COL5A2: variants seen among roughly 807,000 people sequenced by gnomAD.
COL5A2 encodes collagen type V alpha 2 chain.
Under a neutral mutation model 208.2 loss-of-function variants are expected in COL5A2, and 23 were observed. The observed-to-expected ratio is 0.11, with a 90% CI of 0.08 to 0.16. The LOEUF is 0.16. COL5A2 is among the 10% of genes least tolerant of loss of function. COL5A2 has a pLI of 1.00. For synonymous variants in COL5A2, 625 were observed against 628.5 expected (o/e 0.99, Z 0.08); for missense variants, 1,590 against 1,956.4 (o/e 0.81, Z 3.53).
chr2:189,053,488 A>T lies in COL5A2; in HGVS notation c.2500-11T>A. 1 of 1,612,088 alleles carries T rather than the reference A, an allele frequency of 6.2e-7. No homozygotes were observed. The highest frequency in any genetic ancestry group is 1.3e-5 in the African/African-American group (1 of 74,990). ...TTCACCTCGAGAACCCTAGGAGGAG[A>T]CAAAGATTACTGTAGCTTTCACACA... On this transcript the variant is annotated splice_polypyrimidine_tract_variant and intron_variant, in intron 37 of 53. Coordinates refer to ENST00000374866, the MANE Select transcript of COL5A2 (RefSeq NM_000393.5).
intron 52 of COL5A2, among the ~76,000 whole-genome samples, chr2:189,035,557 G>C (rs1467623268): frequency 2.0e-5 from 3 of 151,404 alleles, no homozygotes; most frequent in Admixed American, 2.0e-4. Context: ...CATATTAAAA[G>C]TTTTCCATGT....
At chr2:189,174,182 A>G (rs889401933) in intron 1 of COL5A2, among the ~76,000 whole-genome samples, 12 of 152,226 alleles carry the variant, frequency 7.9e-5, no homozygotes. Flanking sequence ...ATCCTGCATT[A>G]GGTACCTGTC....
intron 6 of COL5A2, among the ~76,000 whole-genome samples, chr2:189,093,084 C>T (rs72906325): frequency 0.13 from 20,158 of 152,104 alleles, 1,354 homozygotes; most frequent in Middle Eastern, 0.18. Flanking sequence ...CACTGTGACC[C>T]AGCCAAGTCT....
At chr2:189,223,504 G>A (rs1019767325) in intron 1 of COL5A2, among the ~76,000 whole-genome samples, 1 of 152,132 alleles carries the variant, frequency 6.6e-6, no homozygotes, top group African/African-American at 2.4e-5. Flanking sequence ...GTGTGTTCAT[G>A]AAAAGACATG....
At chr2:189,347,206 T>C in the COL5A2 span, among the ~76,000 whole-genome samples, 25 of 152,262 alleles carry the variant, frequency 1.6e-4, no homozygotes, top group Non-Finnish European at 2.5e-4. Flanking sequence ...ACTTTGCTTT[T>C]TAAGAAAAGT....
the COL5A2 span, among the ~76,000 whole-genome samples, chr2:189,352,826 C>A: frequency 1.3e-5 from 2 of 152,178 alleles, no homozygotes; most frequent in African/African-American, 4.8e-5. Flanking sequence ...GCTTCTGTTG[C>A]CATTGCTTTT....
chr2:189,383,777 T>C, the COL5A2 span, among the ~76,000 whole-genome samples: 1 of 152,146 alleles, frequency 6.6e-6, no homozygotes, highest in African/African-American at 2.4e-5. Flanking sequence ...AATTCCACTT[T>C]CCTAGTTATT....
At chr2:189,123,920 C>G (rs1306999584) in intron 1 of COL5A2, among the ~76,000 whole-genome samples, 1 of 151,938 alleles carries the variant, frequency 6.6e-6, no homozygotes, top group Non-Finnish European at 1.5e-5. Context: ...GTTAGACAAC[C>G]AGATTGCTAT....
At chr2:189,188,836 T>C (rs1388009203) in intron 1 of COL5A2, among the ~76,000 whole-genome samples, 1 of 152,228 alleles carries the variant, frequency 6.6e-6, no homozygotes, top group African/African-American at 2.4e-5. Flanking sequence ...CTGGGAAACG[T>C]GTCTTTTCTT....
At chr2:189,247,424 A>C in the COL5A2 span, among the ~76,000 whole-genome samples, 1 of 152,140 alleles carries the variant, frequency 6.6e-6, no homozygotes, top group South Asian at 2.1e-4. Context: ...CAAGATTCAC[A>C]ACACATATTT....
chr2:189,097,496 G>T (rs928035424), intron 5 of COL5A2, 166 bp from the exon 6 acceptor site: 2 of 735,970 alleles, frequency 2.7e-6, no homozygotes, highest in Non-Finnish European at 4.7e-6. Flanking sequence ...AGTTCTGTAC[G>T]CTTAGAAGCG....
intron 1 of COL5A2, among the ~76,000 whole-genome samples, chr2:189,190,923 G>T (rs1688915428): frequency 6.6e-6 from 1 of 151,998 alleles, no homozygotes; most frequent in African/African-American, 2.4e-5. Flanking sequence ...GTGGTTTGGT[G>T]GTAATAGACG....
the COL5A2 span, among the ~76,000 whole-genome samples, chr2:189,295,957 T>C: frequency 6.6e-6 from 1 of 152,174 alleles, no homozygotes; most frequent in Non-Finnish European, 1.5e-5. Flanking sequence ...GGTTTTTTTG[T>C]ATTTATTCTT....
In COL5A2 at chr2:189,036,678, C is replaced by T; in HGVS notation, c.4051G>A (p.Ala1351Thr). The change falls in exon 52 of 54, where the codon GCC (alanine) becomes ACC (threonine). Residue 1351 changes from alanine to threonine, a missense_variant. Coordinates refer to ENST00000374866, the MANE Select transcript of COL5A2 (RefSeq NM_000393.5). ...GGTTTATTGTCAGGAGATTTACTGG[C>T]CCACCAGGTTTTACGTGGTACACTG... Reference protein sequence around the residue: ...PSSVPRKTWWASKSPDNKPVW... With the variant: ...PSSVPRKTWWTSKSPDNKPVW... 6.2e-7 allele frequency: 1 copy of T among 1,613,774 alleles called. No individual in the cohort carries two copies.
the COL5A2 span, among the ~76,000 whole-genome samples, chr2:189,413,783 A>AT: frequency 0.039 from 3,064 of 79,196 alleles, 693 homozygotes; most frequent in African/African-American, 0.09. Context: ...CCTTGGCGTC[A>AT]TTTTTTTTTT....
the COL5A2 span, among the ~76,000 whole-genome samples, chr2:189,381,015 TG>T: frequency 6.6e-6 from 1 of 151,998 alleles, no homozygotes; most frequent in Admixed American, 6.6e-5. Flanking sequence ...TTCATTTAAA[TG>T]TAAAGCCAAA....
At chr2:189,140,154 G>C (rs1687909021) in intron 1 of COL5A2, among the ~76,000 whole-genome samples, 1 of 152,052 alleles carries the variant, frequency 6.6e-6, no homozygotes, top group Non-Finnish European at 1.5e-5. Context: ...TAATTCTCCA[G>C]TTATAAACAT....
At chr2:189,411,932 G>A in the COL5A2 span, among the ~76,000 whole-genome samples, 16 of 152,260 alleles carry the variant, frequency 1.1e-4, no homozygotes, top group South Asian at 1.0e-3. Context: ...GACACTAGAC[G>A]ATTCTCCAGA....
intron 43 of COL5A2, among the ~76,000 whole-genome samples, chr2:189,049,872 CA>C (rs1303319603): frequency 1.3e-5 from 2 of 152,164 alleles, no homozygotes; most frequent in African/African-American, 4.8e-5. Context: ...CTTCTGATAA[CA>C]ATAAGACATC....
Sources: gnomAD v4.1 joint callset for allele counts (sites outside exome capture counted in the v4.1 genomes callset) on GRCh38, gnomAD v4.1.1 for gene constraint, MANE v1.5 for transcripts, NCBI Gene and HGNC (gene_info 2026-07-23, HGNC 2026-07-21) for gene names.